The following ATRN variants were observed in gnomAD, a reference collection of about 807,000 sequenced individuals.
ATRN encodes attractin, also known as attractin-2.
ATRN carries 54 observed loss-of-function variants against 178.7 expected under a neutral mutation model. The ratio of observed to expected loss-of-function variants is 0.30; its 90% CI spans 0.24 to 0.38. The LOEUF is 0.38. Among genes scored for constraint, ATRN ranks in the 10% least tolerant of loss-of-function variants. The pLI, the probability that ATRN is intolerant of heterozygous loss-of-function variation, is 1.00. For synonymous variants in ATRN, 636 were observed against 663.0 expected (o/e 0.96, Z 0.63); for missense variants, 1,443 against 1,815.1 (o/e 0.79, Z 3.73).
chr20:3,524,883 A>G (rs1259797117), intron 1 of ATRN, among the ~76,000 whole-genome samples: 1 of 152,240 alleles, frequency 6.6e-6, no homozygotes, highest in East Asian at 1.9e-4. Context: ...GACATACCAG[A>G]ATCTCTGGGA....
chr20:3,603,691 G>A (rs1335921806), intron 23 of ATRN, among the ~76,000 whole-genome samples: 1 of 152,030 alleles, frequency 6.6e-6, no homozygotes, highest in African/African-American at 2.4e-5. Context: ...GTTTCTCCAT[G>A]TTTGTCAGGC....
intron 2 of ATRN, among the ~76,000 whole-genome samples, chr20:3,537,489 TG>T (rs371253602): frequency 1.6e-3 from 131 of 82,714 alleles, no homozygotes; most frequent in African/African-American, 5.9e-3. Context: ...ATTTTTTTCT[TG>T]TTTTTTTTTT....
chr20:3,553,908 T>C (rs897909115), intron 6 of ATRN, among the ~76,000 whole-genome samples: 2 of 152,224 alleles, frequency 1.3e-5, no homozygotes, highest in Admixed American at 1.3e-4. Context: ...TTTTTTGTTA[T>C]GTCAGTGCAC....
chr20:3,488,118 T>C (rs1407091469), intron 1 of ATRN, among the ~76,000 whole-genome samples: 1 of 152,226 alleles, frequency 6.6e-6, no homozygotes, highest in Non-Finnish European at 1.5e-5. Context: ...GTCTCTATTT[T>C]TGGCCTTTAC....
intron 6 of ATRN, among the ~76,000 whole-genome samples, chr20:3,554,601 TG>T (rs2146211438): frequency 6.6e-6 from 1 of 152,228 alleles, no homozygotes; most frequent in Admixed American, 6.5e-5. Flanking sequence ...CCCAAAGTGC[TG>T]GGATTACAGT....
chr20:3,605,320 G>A (rs2086662966), intron 24 of ATRN, among the ~76,000 whole-genome samples: 1 of 152,230 alleles, frequency 6.6e-6, no homozygotes, highest in Admixed American at 6.5e-5. Context: ...GTGTAAATTA[G>A]TTCAACCATT....
At chr20:3,523,688 AG>A (rs2085326642) in intron 1 of ATRN, among the ~76,000 whole-genome samples, 1 of 152,238 alleles carries the variant, frequency 6.6e-6, no homozygotes, top group Admixed American at 6.5e-5. Flanking sequence ...TTACCCTCAA[AG>A]GGTAGCCTAT....
intron 1 of ATRN, among the ~76,000 whole-genome samples, chr20:3,521,289 C>T (rs750191614): frequency 2.6e-5 from 4 of 151,716 alleles, no homozygotes; most frequent in African/African-American, 9.7e-5. Flanking sequence ...ACGCAATTTA[C>T]GCATGCAACA....
chr20:3,500,104 C>G (rs1156602598), intron 1 of ATRN, among the ~76,000 whole-genome samples: 2 of 152,192 alleles, frequency 1.3e-5, no homozygotes, highest in Non-Finnish European at 2.9e-5. Flanking sequence ...CCCTGGCCAT[C>G]AGAGAAATGC....
intron 25 of ATRN, chr20:3,628,937 G>T (rs2086967768): frequency 1.5e-5 from 15 of 985,096 alleles, no homozygotes; most frequent in Non-Finnish European, 1.7e-5. Flanking sequence ...TGTGTTCTCT[G>T]ACTGGACTCT....
At chr20:3,578,399 T>C (rs2086239761) in intron 14 of ATRN, among the ~76,000 whole-genome samples, 183 bp from the exon 15 acceptor site, 1 of 152,202 alleles carries the variant, frequency 6.6e-6, no homozygotes, top group Admixed American at 6.5e-5. Context: ...CCAGTAAACA[T>C]TTTAAAATTC....
intron 8 of ATRN, among the ~76,000 whole-genome samples, chr20:3,561,150 C>T (rs1289180833): frequency 6.6e-6 from 1 of 152,136 alleles, no homozygotes; most frequent in Non-Finnish European, 1.5e-5. Flanking sequence ...TGGTGAAACC[C>T]TGTCTCTACT....
intron 1 of ATRN, among the ~76,000 whole-genome samples, chr20:3,493,459 C>T (rs2084835910): frequency 1.3e-5 from 2 of 151,816 alleles, no homozygotes; most frequent in African/African-American, 2.4e-5. Context: ...CTGTGCCCAA[C>T]CTATTTTTAT....
intron 26 of ATRN, 109 bp downstream of exon 26, chr20:3,634,498 ATCTCCACGGAAGGAATAATG>A (rs2087011842): frequency 1.1e-6 from 1 of 919,942 alleles, no homozygotes; most frequent in East Asian, 2.6e-5. Flanking sequence ...ACAGACAGAC[ATCTCCACGGAAGGAATAATG>A]CAGCCCTTTC....
intron 1 of ATRN, among the ~76,000 whole-genome samples, chr20:3,474,067 A>G (rs2084475258): frequency 6.6e-6 from 1 of 152,168 alleles, no homozygotes; most frequent in South Asian, 2.1e-4. Context: ...CTCAGAGTAC[A>G]CACCTGGCAG....
chr20:3,516,926 G>A (rs1343760633), intron 1 of ATRN, among the ~76,000 whole-genome samples: 3 of 151,778 alleles, frequency 2.0e-5, no homozygotes, highest in Non-Finnish European at 4.4e-5. Context: ...TTGCTATTGT[G>A]AACAGTGCCA....
chr20:3,576,054 G>T (rs999218092), intron 13 of ATRN, 106 bp downstream of exon 13: 20 of 1,276,554 alleles, frequency 1.6e-5, no homozygotes, highest in Non-Finnish European at 2.1e-5. Flanking sequence ...CTTTTCAAAT[G>T]GGTTTCTATT....
At chr20:3,512,107 A>ATATATATATATATAT in intron 1 of ATRN, among the ~76,000 whole-genome samples, 2 of 106,390 alleles carry the variant, frequency 1.9e-5, no homozygotes, top group Non-Finnish European at 3.6e-5. Context: ...ATATATATAT[A>ATATATATATATATAT]TTTTTTTTTT....
In ATRN at chr20:3,645,174, C is replaced by T. The variant is rs1195573448; in HGVS notation, c.4165+906C>T. 6.6e-6 allele frequency among the ~76,000 whole-genome samples: 1 copy of T among 152,172 alleles called. No individual in the cohort carries two copies. Among genetic ancestry groups the T allele is most frequent in the Non-Finnish European group, 1.5e-5 (1 of 68,034 alleles). ...GATTCTGGAGTCAGGGTTACCTTAGCCAGAGAGCACCCTGTGTCTGGTGGA... is the reference window on the plus strand; with the variant it reads ...GATTCTGGAGTCAGGGTTACCTTAGTCAGAGAGCACCCTGTGTCTGGTGGA... On this transcript the variant is annotated intron_variant, in intron 28 of 28. Coordinates refer to ENST00000262919, the MANE Select transcript of ATRN (RefSeq NM_139321.3). This position sits in a 1 kb window ranked among gnomAD's most constrained non-coding sequence, Gnocchi z 4.7.
Sources: gnomAD v4.1 joint callset for allele counts (sites outside exome capture counted in the v4.1 genomes callset) on GRCh38, gnomAD v4.1.1 for gene constraint, Gnocchi (gnomAD v3.1) non-coding constraint, MANE v1.5 for transcripts, NCBI Gene and HGNC (gene_info 2026-07-23, HGNC 2026-07-21) for gene names.